PTPN21: variants seen among roughly 807,000 people sequenced by gnomAD.
PTPN21 encodes the protein tyrosine-protein phosphatase non-receptor type 21.
Under a neutral mutation model 131.8 loss-of-function variants are expected in PTPN21, and 77 were observed. The ratio of observed to expected loss-of-function variants is 0.58; its 90% CI spans 0.49 to 0.71. The LOEUF is 0.71. Among genes scored for constraint, PTPN21 ranks in the 30% least tolerant of loss-of-function variants. PTPN21 has a pLI of 0.00. For synonymous variants in PTPN21, 715 were observed against 621.3 expected (o/e 1.15, Z -2.24); for missense variants, 1,552 against 1,527.1 (o/e 1.02, Z -0.27).
intron 2 of PTPN21, among the ~76,000 whole-genome samples, chr14:88,537,370 C>T (rs746571232): frequency 2.6e-5 from 4 of 152,118 alleles, no homozygotes; most frequent in Non-Finnish European, 5.9e-5. Flanking sequence ...TATTTACTAT[C>T]CTGGACAATG....
At chr14:88,528,053 T>C (rs889455363) in intron 2 of PTPN21, among the ~76,000 whole-genome samples, 3 of 152,216 alleles carry the variant, frequency 2.0e-5, no homozygotes, top group African/African-American at 7.2e-5. Flanking sequence ...AACTATAGGC[T>C]TGTAGTCCAG....
chr14:88,539,066 T>C (rs148973694), intron 2 of PTPN21, among the ~76,000 whole-genome samples: 5 of 152,168 alleles, frequency 3.3e-5, no homozygotes, highest in African/African-American at 9.6e-5. Flanking sequence ...GATTCTATCT[T>C]TGGGAACTTT....
At chr14:88,543,916 A>AC (rs1392779115) in intron 2 of PTPN21, among the ~76,000 whole-genome samples, 1 of 151,848 alleles carries the variant, frequency 6.6e-6, no homozygotes, top group African/African-American at 2.4e-5. Context: ...GCATGCACAC[A>AC]CCCCCCTCAG....
At chr14:88,511,674 C>G (rs923151408) in intron 3 of PTPN21, among the ~76,000 whole-genome samples, 11 of 152,080 alleles carry the variant, frequency 7.2e-5, no homozygotes, top group Non-Finnish European at 1.5e-5. Context: ...AATGAAATAA[C>G]AGGAAAAAAA....
At chr14:88,511,380 A>G (rs1344975632) in intron 3 of PTPN21, among the ~76,000 whole-genome samples, 1 of 152,038 alleles carries the variant, frequency 6.6e-6, no homozygotes, top group Non-Finnish European at 1.5e-5. Context: ...TGTTATTTCA[A>G]TATTTTTGCA....
At chr14:88,478,659 A>ATTCC (rs149665638) in intron 13 of PTPN21, among the ~76,000 whole-genome samples, 5,531 of 152,130 alleles carry the variant, frequency 0.036, 350 homozygotes, top group African/African-American at 0.13. Flanking sequence ...CATCTTTTCC[A>ATTCC]TTTCGACAAA....
At chr14:88,550,081 G>A (rs1017978076) in intron 2 of PTPN21, among the ~76,000 whole-genome samples, 157 bp downstream of exon 2, 23 of 151,918 alleles carry the variant, frequency 1.5e-4, no homozygotes, top group African/African-American at 5.6e-4. Flanking sequence ...ACTGCGCCCG[G>A]CCTTGTATTT....
intron 2 of PTPN21, among the ~76,000 whole-genome samples, chr14:88,549,760 A>G (rs1595425115): frequency 6.8e-6 from 1 of 146,238 alleles, no homozygotes; most frequent in Admixed American, 6.8e-5. Flanking sequence ...CACCACGCCC[A>G]GCCAATTTTT....
rs370209807 is a variant in PTPN21, at chr14:88,492,591, G to A, written c.932+3822C>T. Among the ~76,000 whole-genome samples, 93 of 152,236 alleles carry A rather than the reference G, an allele frequency of 6.1e-4. 2 individuals carry two copies. In the South Asian group the frequency reaches 0.015, roughly 24 times the overall value. ...CATGCAAACCACTGGCCAGCTCCCC[G>A]TCCGGGTGGGCATCCCCGCATGTTA... On this transcript the variant is annotated intron_variant, in intron 10 of 18. Coordinates refer to ENST00000556564, the MANE Select transcript of PTPN21 (RefSeq NM_007039.4).
intron 2 of PTPN21, among the ~76,000 whole-genome samples, chr14:88,545,482 A>G (rs2078762893): frequency 6.6e-6 from 1 of 152,138 alleles, no homozygotes; most frequent in Admixed American, 6.5e-5. Flanking sequence ...CACCTCCTTC[A>G]AGCCTCTACA....
At chr14:88,475,699 A>G (rs368570869) in intron 13 of PTPN21, among the ~76,000 whole-genome samples, 1 of 152,220 alleles carries the variant, frequency 6.6e-6, no homozygotes, top group African/African-American at 2.4e-5. Flanking sequence ...TACTCCCATC[A>G]CAGCCAATTT....
At chr14:88,542,362 A>G (rs892431114) in intron 2 of PTPN21, among the ~76,000 whole-genome samples, 1 of 152,192 alleles carries the variant, frequency 6.6e-6, no homozygotes, top group Non-Finnish European at 1.5e-5. Flanking sequence ...AAACACCATC[A>G]GTTCCCTCAT....
intron 2 of PTPN21, among the ~76,000 whole-genome samples, chr14:88,520,526 A>G (rs2078372853): frequency 6.6e-6 from 1 of 152,236 alleles, no homozygotes; most frequent in African/African-American, 2.4e-5. Context: ...TGAGGTTATG[A>G]CATTTTAAAA....
At chr14:88,543,241 T>C (rs1220719546) in intron 2 of PTPN21, among the ~76,000 whole-genome samples, 2 of 152,098 alleles carry the variant, frequency 1.3e-5, no homozygotes, top group African/African-American at 2.4e-5. Context: ...AGCGAAAAAA[T>C]ATCCCCATCT....
At chr14:88,516,062 C>T (rs1280906814) in intron 3 of PTPN21, among the ~76,000 whole-genome samples, 1 of 152,304 alleles carries the variant, frequency 6.6e-6, no homozygotes, top group East Asian at 1.9e-4. Context: ...CAGGTTCTTA[C>T]TATCTGCAAG....
Position 88,469,115 on chromosome 14 carries a change from C to G in PTPN21, c.3236-39G>C. 6.4e-7 allele frequency: 1 copy of G among 1,572,458 alleles called. No individual in the cohort carries two copies. Among genetic ancestry groups the G allele is most frequent in the Non-Finnish European group, 8.7e-7 (1 of 1,151,558 alleles). On this transcript the variant is annotated intron_variant, in intron 17 of 18. Coordinates refer to ENST00000556564, the MANE Select transcript of PTPN21 (RefSeq NM_007039.4). The surrounding 1 kb of genome is among the most constrained non-coding windows in gnomAD (Gnocchi z 4.3). ...ATGAAATAGAAAAGTACTCAAGGAT[C>G]AAGGCGTATCACATTGTTGACTCAA...
At chr14:88,547,592 G>T in intron 2 of PTPN21, 1 of 448,012 alleles carries the variant, frequency 2.2e-6, no homozygotes, top group Non-Finnish European at 4.5e-6. Context: ...GTTTGAGGAT[G>T]CATTGAGCTA....
intron 2 of PTPN21, among the ~76,000 whole-genome samples, chr14:88,534,719 C>CA (rs1388808744): frequency 1.3e-4 from 19 of 151,602 alleles, no homozygotes; most frequent in African/African-American, 4.6e-4. Context: ...ACTAAAACTA[C>CA]AAAAATTAGC....
chr14:88,517,149 T>G lies in PTPN21; in HGVS notation c.293A>C (p.Tyr98Ser). The G allele has an allele frequency of 6.2e-7, 1 of 1,614,106 alleles. No individual in the cohort carries two copies. Residue 98 changes from tyrosine (Y) to serine (S), a missense_variant, in exon 3 of 19, where the codon TAT becomes TCT. By Grantham distance (144) the Tyr-to-Ser change is moderately radical. This residue lies in a region of PTPN21 where 206 missense variants were observed against 221.6 expected (regional missense o/e 0.93). Coordinates refer to ENST00000556564, the MANE Select transcript of PTPN21 (RefSeq NM_007039.4). ...LDKYALEPTV[Y>S]FGVVFYVPSV... ...AGGCACATAAAACACCACTCCAAAA[T>G]AGACGGTAGGTTCCAATGCATATTT... is the stretch of plus-strand genomic sequence containing the variant.
Sources: allele counts gnomAD v4.1 joint callset (sites outside exome capture counted in the v4.1 genomes callset), GRCh38; gene constraint gnomAD v4.1.1; regional missense constraint gnomAD v4.1.1; non-coding constraint Gnocchi (gnomAD v3.1); transcripts MANE v1.5; gene names NCBI Gene and HGNC (gene_info 2026-07-23, HGNC 2026-07-21).